The following TXNDC11 variants were observed in gnomAD, a reference collection of about 807,000 sequenced individuals.
The protein encoded by TXNDC11 is thioredoxin domain-containing protein 11.
Under a neutral mutation model 78.0 loss-of-function variants are expected in TXNDC11, and 68 were observed. That is an observed-to-expected ratio of 0.87 (90% CI 0.72 to 1.07). TXNDC11 has a LOEUF of 1.07. Among genes scored for constraint, TXNDC11 ranks in the 50% least tolerant of loss-of-function variants. The pLI, the probability that TXNDC11 is intolerant of heterozygous loss-of-function variation, is 0.00. For synonymous variants in TXNDC11, 571 were observed against 495.2 expected (o/e 1.15, Z -2.03); for missense variants, 1,389 against 1,221.8 (o/e 1.14, Z -2.04).
intron 8 of TXNDC11, among the ~76,000 whole-genome samples, chr16:11,690,466 A>C (rs1304211604): frequency 6.6e-6 from 1 of 152,262 alleles, no homozygotes; most frequent in Non-Finnish European, 1.5e-5. Flanking sequence ...AAACAGCAGC[A>C]GAACAAATTA....
At chr16:11,703,151 C>T (rs904758409) in intron 5 of TXNDC11, among the ~76,000 whole-genome samples, 1 of 151,996 alleles carries the variant, frequency 6.6e-6, no homozygotes, top group Admixed American at 6.6e-5. Context: ...GAATACAGCA[C>T]GTACAAATAA....
intron 2 of TXNDC11, among the ~76,000 whole-genome samples, chr16:11,734,776 G>C (rs2052170912): frequency 6.6e-6 from 1 of 152,204 alleles, no homozygotes; most frequent in African/African-American, 2.4e-5. Flanking sequence ...CCAAATGACA[G>C]TTCCAAATGA....
chr16:11,698,080 G>T, intron 7 of TXNDC11, 45 bp downstream of exon 7: 1 of 1,582,136 alleles, frequency 6.3e-7, no homozygotes, highest in Non-Finnish European at 8.7e-7. Flanking sequence ...GGTAGATGAG[G>T]CTTTCCTACT....
chr16:11,740,790 T>C (rs141029663), intron 1 of TXNDC11, among the ~76,000 whole-genome samples: 1 of 152,362 alleles, frequency 6.6e-6, no homozygotes, highest in East Asian at 1.9e-4. Context: ...GACTCCTTCA[T>C]CTGTGCACTG....
intron 7 of TXNDC11, among the ~76,000 whole-genome samples, chr16:11,696,522 A>C (rs1337926319): frequency 6.6e-6 from 1 of 152,214 alleles, no homozygotes; most frequent in East Asian, 1.9e-4. Flanking sequence ...AGTGCTCAGT[A>C]AACATTTGCC....
intron 5 of TXNDC11, among the ~76,000 whole-genome samples, chr16:11,708,450 G>A (rs1410564903): frequency 6.6e-6 from 1 of 152,148 alleles, no homozygotes; most frequent in Non-Finnish European, 1.5e-5. Flanking sequence ...ATAGCACTTG[G>A]TGTACTACAA....
chr16:11,680,504 T>C (rs1293204969), intron 11 of TXNDC11, among the ~76,000 whole-genome samples: 1 of 151,752 alleles, frequency 6.6e-6, no homozygotes, highest in African/African-American at 2.4e-5. Flanking sequence ...TAGAAAGGGG[T>C]TTTCCCTACA....
Position 11,700,417 on chromosome 16 carries a change from C to T in TXNDC11, c.906+35G>A, listed in dbSNP as rs2050979093. ...GTGACCTAAACAAGGTTAAGAACCA[C>T]TGCGCTAACATAAACGTGATTTCAA... On this transcript the variant is annotated intron_variant, in intron 6 of 11. Coordinates refer to ENST00000283033, the MANE Select transcript of TXNDC11 (RefSeq NM_015914.7). The T allele has an allele frequency of 8.5e-6, 9 of 1,058,740 alleles. No homozygotes were observed. The East Asian group carries it at 2.2e-4, about 25-fold the overall frequency. 65.6% of individuals were successfully genotyped at this position (1,058,740 alleles called of 1,614,324 possible).
At chr16:11,725,849 C>G (rs1039782782) in intron 4 of TXNDC11, among the ~76,000 whole-genome samples, 2 of 152,092 alleles carry the variant, frequency 1.3e-5, no homozygotes, top group Non-Finnish European at 2.9e-5. Context: ...AACTGTTGTC[C>G]TAGAAATTGT....
intron 10 of TXNDC11, among the ~76,000 whole-genome samples, chr16:11,684,611 T>C (rs1021196616): frequency 1.3e-5 from 2 of 152,214 alleles, no homozygotes; most frequent in African/African-American, 4.8e-5. Context: ...GCAAAATACA[T>C]CAAGCCCCTC....
chr16:11,737,960 A>C (rs2052275905), intron 1 of TXNDC11, among the ~76,000 whole-genome samples: 1 of 152,164 alleles, frequency 6.6e-6, no homozygotes. Flanking sequence ...ATATATCTTA[A>C]ATATAAAGAC....
intron 5 of TXNDC11, among the ~76,000 whole-genome samples, chr16:11,720,828 G>A (rs2051683283): frequency 6.6e-6 from 1 of 151,396 alleles, no homozygotes; most frequent in Non-Finnish European, 1.5e-5. Flanking sequence ...TGCAACCTCT[G>A]CCTCCTACGT....
intron 7 of TXNDC11, among the ~76,000 whole-genome samples, chr16:11,694,589 A>G (rs941776780): frequency 4.6e-5 from 7 of 151,634 alleles, no homozygotes; most frequent in African/African-American, 1.2e-4. Context: ...CTGAGACTAC[A>G]GGCGCACACC....
At chr16:11,728,045 C>A (rs59823966) in intron 4 of TXNDC11, among the ~76,000 whole-genome samples, 1 of 152,172 alleles carries the variant, frequency 6.6e-6, no homozygotes, top group Non-Finnish European at 1.5e-5. Context: ...TGACCTCCAA[C>A]GTCAACTGCG....
chr16:11,728,472 T>G (rs1464269737), intron 4 of TXNDC11, among the ~76,000 whole-genome samples: 2 of 152,208 alleles, frequency 1.3e-5, no homozygotes, highest in African/African-American at 2.4e-5. Context: ...GACCCCATCT[T>G]GGTAGCACTC....
Position 11,691,869 on chromosome 16 carries a change from C to T in TXNDC11, c.1321G>A (p.Val441Ile), listed in dbSNP as rs754984898. Reference sequence around the variant, plus strand: ...GTCTGGTTGACACAGAGTTCACAGACGTTGTGGGTCCTGGAGAAGGAGTGC... The same window carrying T: ...GTCTGGTTGACACAGAGTTCACAGATGTTGTGGGTCCTGGAGAAGGAGTGC... ...QWHSFSRTHN[V>I]CELCVNQTSG... The change falls in exon 8 of 12, where the codon GTC (valine) becomes ATC (isoleucine). Residue 441 changes from valine to isoleucine, a missense_variant. Coordinates refer to ENST00000283033, the MANE Select transcript of TXNDC11 (RefSeq NM_015914.7). 4.9e-5 allele frequency: 79 copies of T among 1,614,106 alleles called. No individual in the cohort carries two copies. Among genetic ancestry groups the T allele is most frequent in the African/African-American group, 6.7e-5 (5 of 74,930 alleles).
chr16:11,701,584 T>C (rs1235127673), intron 5 of TXNDC11, among the ~76,000 whole-genome samples: 1 of 152,128 alleles, frequency 6.6e-6, no homozygotes, highest in African/African-American at 2.4e-5. Flanking sequence ...TAAAGACTTA[T>C]ACAAATCAAC....
rs187883269 is a variant in TXNDC11, at chr16:11,685,392, T to A, written c.2154-1147A>T. Reference sequence around the variant, plus strand: ...CGGGCGTGGTGGCTCACGTCTGTAATCCCAGCACTTTAGGAGGCCGAGGCA... The same window carrying A: ...CGGGCGTGGTGGCTCACGTCTGTAAACCCAGCACTTTAGGAGGCCGAGGCA... On this transcript the variant is annotated intron_variant, in intron 10 of 11. Coordinates refer to ENST00000283033, the MANE Select transcript of TXNDC11 (RefSeq NM_015914.7). Among the ~76,000 whole-genome samples, 1,492 of 150,582 alleles carry A rather than the reference T, an allele frequency of 9.9e-3. 24 individuals carry two copies. The highest frequency in any genetic ancestry group is 0.08 in the South Asian group (379 of 4,750).
chr16:11,681,309 A>C (rs1567286917), intron 11 of TXNDC11, among the ~76,000 whole-genome samples: 1 of 152,232 alleles, frequency 6.6e-6, no homozygotes, highest in Non-Finnish European at 1.5e-5. Context: ...GGCAGAGTAA[A>C]CGTGAATTAC....
Sources: gnomAD v4.1 joint callset for allele counts (sites outside exome capture counted in the v4.1 genomes callset) on GRCh38, gnomAD v4.1.1 for gene constraint, MANE v1.5 for transcripts, NCBI Gene and HGNC (gene_info 2026-07-23, HGNC 2026-07-21) for gene names.